ST18: variants seen among roughly 807,000 people sequenced by gnomAD.
The protein encoded by ST18 is ST18 C2H2C-type zinc finger transcription factor.
A neutral mutation model predicts 110.0 loss-of-function variants in ST18; 50 were observed. That is an observed-to-expected ratio of 0.45 (90% CI 0.36 to 0.58). The LOEUF (loss-of-function observed/expected upper bound fraction) is 0.58. Ranked by LOEUF, ST18 falls within the 20% of genes least tolerant of loss-of-function variation. The probability of loss-of-function intolerance (pLI) is 0.00; values close to 1 mark genes in which losing one functional copy is unlikely to be tolerated. For synonymous variants in ST18, 461 were observed against 452.4 expected (o/e 1.02, Z -0.24); for missense variants, 1,306 against 1,280.1 (o/e 1.02, Z -0.31).
In ST18 at chr8:52,142,957, G is replaced by T; in HGVS notation, c.2141C>A (p.Ala714Glu). The T allele has an allele frequency of 6.2e-7, 1 of 1,613,928 alleles. No individual in the cohort carries two copies. The highest frequency in any genetic ancestry group is 1.1e-5 in the South Asian group (1 of 91,070). The change falls in exon 17 of 26, where the codon GCA becomes GAA. Residue 714 changes from alanine (A) to glutamate (E), a missense_variant. Physicochemically the swap from Ala to Glu is moderately radical, Grantham distance 107 (BLOSUM62 -1). Transcript: ENST00000689386. Reference protein sequence around the residue: ...SIPSPKPKLHARDLKKELITC... With the variant: ...SIPSPKPKLHERDLKKELITC... ...GATTAGTTCCTTTTTGAGATCTCTT[G>T]CATGAAGCTTGGGTTTAGGGCTTGG...
chr8:52,219,473 T>C (rs1367712545), intron 5 of ST18, among the ~76,000 whole-genome samples: 4 of 152,236 alleles, frequency 2.6e-5, no homozygotes, highest in Non-Finnish European at 5.9e-5. Context: ...ATCTTTTATT[T>C]GCACACTATT....
chr8:52,367,304 C>G (rs1266889632), intron 2 of ST18, among the ~76,000 whole-genome samples: 1 of 148,194 alleles, frequency 6.7e-6, no homozygotes, highest in African/African-American at 2.5e-5. Context: ...TGCCTGGAAT[C>G]TCTGTTACTC....
intron 8 of ST18, among the ~76,000 whole-genome samples, chr8:52,197,317 T>G (rs910168510): frequency 4.6e-5 from 7 of 152,316 alleles, no homozygotes; most frequent in South Asian, 4.1e-4. Context: ...CTAAAAAAAT[T>G]ATCTCTGTAA....
At chr8:52,210,084 G>C (rs1279499354) in intron 8 of ST18, 3 of 456,096 alleles carry the variant, frequency 6.6e-6, no homozygotes, top group South Asian at 4.6e-5. Flanking sequence ...TCCCTCACCA[G>C]GTAAGTGGCC....
intron 2 of ST18, among the ~76,000 whole-genome samples, chr8:52,356,148 G>A (rs1000159826): frequency 2.0e-5 from 3 of 152,168 alleles, no homozygotes; most frequent in African/African-American, 7.2e-5. Context: ...AAAACCCTAA[G>A]CTGTCACCTC....
At chr8:52,272,028 A>T (rs1168285743) in intron 2 of ST18, among the ~76,000 whole-genome samples, 3 of 152,214 alleles carry the variant, frequency 2.0e-5, no homozygotes, top group African/African-American at 7.2e-5. Flanking sequence ...GGAGACTCTT[A>T]TCTTACTCCA....
In ST18 at chr8:52,330,851, G is replaced by A. The variant is rs552032903; in HGVS notation, c.-465+78477C>T. Among the ~76,000 whole-genome samples the A allele has an allele frequency of 1.3e-4, 20 of 152,278 alleles. No homozygotes were observed. In the East Asian group the frequency reaches 1.4e-3, roughly 10 times the overall value. ...AAACCACGTGTGTGTACATCTTAGC[G>A]AGCCCACAGACAAAAAAGGCAAAGA... On this transcript the variant is annotated intron_variant, in intron 2 of 25. Coordinates refer to ENST00000689386, the MANE Select transcript of ST18 (RefSeq NM_001352837.2).
rs776156604 is a variant in ST18 at position 52,143,041 on chromosome 8, T to A, written c.2057A>T (p.Asp686Val). ...HGKTEEEKEK[D>V]PVSSLENLEE... ...TAAATTTTCTAGAGAGCTCACTGGG[T>A]CTTTCTGGAAAACAAACAAAAAACA... The change falls in exon 17 of 26, where the codon GAC (aspartate) becomes GTC (valine). Residue 686 changes from aspartate (D) to valine (V), a missense_variant. Transcript: ENST00000689386. 8 of 1,600,114 alleles carry A rather than the reference T, an allele frequency of 5.0e-6. No homozygotes were observed. In the Admixed American group the frequency reaches 1.3e-4, roughly 27 times the overall value.
intron 23 of ST18, among the ~76,000 whole-genome samples, chr8:52,121,532 T>C (rs948887915): frequency 5.9e-5 from 9 of 152,176 alleles, no homozygotes; most frequent in African/African-American, 1.9e-4. Flanking sequence ...GATTTCACTC[T>C]GCACTTCCAA....
intron 2 of ST18, among the ~76,000 whole-genome samples, chr8:52,345,219 C>T (rs1817183849): frequency 6.6e-6 from 1 of 152,156 alleles, no homozygotes; most frequent in Non-Finnish European, 1.5e-5. Flanking sequence ...AACAATATCA[C>T]TTACTTTTCA....
chr8:52,155,512 G>C (rs1044658876), intron 15 of ST18, among the ~76,000 whole-genome samples: 1 of 152,192 alleles, frequency 6.6e-6, no homozygotes. Flanking sequence ...TGTGATGGGA[G>C]CCGGCACTTG....
At chr8:52,316,089 AT>A (rs2096019982) in intron 2 of ST18, among the ~76,000 whole-genome samples, 2 of 152,206 alleles carry the variant, frequency 1.3e-5, no homozygotes, top group Admixed American at 1.3e-4. Context: ...TACAACTTAA[AT>A]GTTTCATTGA....
chr8:52,150,728 G>A (rs2058607097), intron 15 of ST18: 1 of 152,214 alleles, frequency 6.6e-6, no homozygotes, highest in Non-Finnish European at 1.5e-5. Context: ...TCCACACTTA[G>A]TGTGAGACTT....
rs370793141 is a variant in ST18 at position 52,172,587 on chromosome 8, T to C, written c.278-4A>G. On this transcript the variant is annotated splice_region_variant and splice_polypyrimidine_tract_variant and intron_variant, in intron 9 of 25. Transcript: ENST00000689386. ...ATAGGTTTTATCATGATTTCCTCTA[T>C]GGAAAAAGAAAACCAATATTTGAAG... The C allele has an allele frequency of 1.9e-6, 3 of 1,545,996 alleles. No individual in the cohort carries two copies. Among genetic ancestry groups the C allele is most frequent in the Non-Finnish European group, 2.6e-6 (3 of 1,151,978 alleles).
At chr8:52,282,833 C>T (rs1427205779) in intron 2 of ST18, among the ~76,000 whole-genome samples, 3 of 152,046 alleles carry the variant, frequency 2.0e-5, no homozygotes, top group African/African-American at 2.4e-5. Flanking sequence ...CCAGTGCCTT[C>T]GGGAGCGGGG....
At chr8:52,151,491 A>G (rs1310469426) in intron 15 of ST18, among the ~76,000 whole-genome samples, 1 of 152,206 alleles carries the variant, frequency 6.6e-6, no homozygotes, top group Admixed American at 6.5e-5. Flanking sequence ...CTTATCCGGG[A>G]TAATAACTTA....
rs1252024178 is a variant in ST18, at chr8:52,397,408, TA to T, written c.-465+11919del. On this transcript the variant is annotated intron_variant, in intron 2 of 25. Transcript: ENST00000689386. The stretch of plus-strand genomic sequence containing the variant: ...CCTTATCAGATATGTGGTTTGCAAA[TA>T]TTTTTCCTATTGATTGCTTTCTTTG... Among the ~76,000 whole-genome samples, 3 of 152,218 alleles carry T rather than the reference TA, an allele frequency of 2.0e-5. No individual in the cohort carries two copies. In the East Asian group the frequency reaches 5.8e-4, roughly 29 times the overall value.
intron 23 of ST18, among the ~76,000 whole-genome samples, chr8:52,119,327 A>T (rs925856811): frequency 6.6e-6 from 1 of 152,168 alleles, no homozygotes; most frequent in Non-Finnish European, 1.5e-5. Flanking sequence ...AAGGTAGTTA[A>T]TATTAAGGGT....
At chr8:52,168,884 C>G (rs1170050707) in intron 10 of ST18, among the ~76,000 whole-genome samples, 1 of 152,158 alleles carries the variant, frequency 6.6e-6, no homozygotes, top group African/African-American at 2.4e-5. Context: ...CTGAGGGGAG[C>G]TGACACCATA....
Sources: allele counts gnomAD v4.1 joint callset (sites outside exome capture counted in the v4.1 genomes callset), GRCh38; gene constraint gnomAD v4.1.1; transcripts MANE v1.5; gene names NCBI Gene and HGNC (gene_info 2026-07-23, HGNC 2026-07-21).